The following PIBF1 variants were observed in gnomAD, a reference collection of about 807,000 sequenced individuals.
PIBF1 encodes progesterone-induced-blocking factor 1.
In PIBF1, 90 loss-of-function variants were observed where a neutral mutation model predicts 112.5. The observed-to-expected ratio is 0.80, with a 90% confidence interval of 0.67 to 0.95. The LOEUF (loss-of-function observed/expected upper bound fraction) is 0.95. PIBF1 is among the 40% of genes least tolerant of loss of function. PIBF1 has a pLI of 0.00. For missense variants in PIBF1, 915 were observed against 852.3 expected, an observed-to-expected ratio of 1.07 and a Z score of -0.92; for synonymous variants, 301 against 288.6, an observed-to-expected ratio of 1.04 and a Z score of -0.44.
chr13:72,922,059 C>T (rs954312644), intron 13 of PIBF1, among the ~76,000 whole-genome samples: 9 of 152,186 alleles, frequency 5.9e-5, no homozygotes, highest in African/African-American at 2.2e-4. Context: ...AGTTCACTCT[C>T]ATCTCAAACT....
chr13:72,817,335 T>A (rs1201466547), intron 5 of PIBF1, among the ~76,000 whole-genome samples: 1 of 152,210 alleles, frequency 6.6e-6, no homozygotes, highest in Non-Finnish European at 1.5e-5. Context: ...GAACAGAAAT[T>A]GAGGCTTGGC....
At chr13:72,878,583 C>T (rs1426574500) in intron 10 of PIBF1, among the ~76,000 whole-genome samples, 2 of 152,196 alleles carry the variant, frequency 1.3e-5, no homozygotes, top group South Asian at 2.1e-4. Context: ...ATCTGTATTT[C>T]GTGTGAGCTT....
chr13:72,874,007 TAATCACCA>T (rs1227314040), intron 10 of PIBF1, among the ~76,000 whole-genome samples: 1 of 152,154 alleles, frequency 6.6e-6, no homozygotes, highest in Admixed American at 6.5e-5. Context: ...TAAACATTAT[TAATCACCA>T]GGAAAATGGA....
At chr13:72,820,603 T>G (rs895593789) in intron 5 of PIBF1, among the ~76,000 whole-genome samples, 7 of 152,094 alleles carry the variant, frequency 4.6e-5, no homozygotes, top group Non-Finnish European at 7.4e-5. Flanking sequence ...AAAGTTACAT[T>G]TAGTAGTTTA....
chr13:72,930,897 C>A (rs529479094), intron 13 of PIBF1, among the ~76,000 whole-genome samples: 79 of 152,174 alleles, frequency 5.2e-4, no homozygotes, highest in Non-Finnish European at 1.0e-3. Flanking sequence ...GTTACCTCTC[C>A]ACTTTTATAG....
intron 10 of PIBF1, among the ~76,000 whole-genome samples, chr13:72,892,825 CCCCTCTAT>C (rs2040113123): frequency 6.6e-6 from 1 of 151,650 alleles, no homozygotes; most frequent in Non-Finnish European, 1.5e-5. Flanking sequence ...CGCACACACA[CCCCTCTAT>C]ACAAACCAAG....
chr13:72,784,982 C>T lies in PIBF1; in HGVS notation c.252+1261C>T, dbSNP rs1387492745. 3.3e-5 allele frequency among the ~76,000 whole-genome samples: 5 copies of T among 152,010 alleles called. No homozygotes were observed. In the East Asian group the frequency reaches 7.7e-4, roughly 24 times the overall value. On this transcript the variant is annotated intron_variant, in intron 2 of 17. Coordinates refer to ENST00000326291, the MANE Select transcript of PIBF1 (RefSeq NM_006346.4). ...CCACCTCTTGGGTTCAAGCAATTCT[C>T]CTGCCTCAGTCTCCCACGTAGCTGG...
chr13:72,799,800 G>A (rs553706665), intron 5 of PIBF1, among the ~76,000 whole-genome samples: 3 of 152,148 alleles, frequency 2.0e-5, no homozygotes, highest in Non-Finnish European at 4.4e-5. Flanking sequence ...ACTTCTTACT[G>A]TGTAGTAGGA....
At chr13:72,905,288 G>A (rs1023579213) in intron 11 of PIBF1, among the ~76,000 whole-genome samples, 2 of 151,708 alleles carry the variant, frequency 1.3e-5, no homozygotes. Context: ...GGGTGGTCTT[G>A]AACTGCTGAC....
chr13:72,873,900 C>G (rs1196071178), intron 10 of PIBF1, among the ~76,000 whole-genome samples: 2 of 152,138 alleles, frequency 1.3e-5, no homozygotes, highest in Non-Finnish European at 2.9e-5. Flanking sequence ...AGAAGACAAG[C>G]TACTCAATTT....
At chr13:72,806,752 T>C (rs1298409357) in intron 5 of PIBF1, among the ~76,000 whole-genome samples, 2 of 152,192 alleles carry the variant, frequency 1.3e-5, no homozygotes, top group African/African-American at 4.8e-5. Context: ...TGTGCCACAG[T>C]ATCTAGTCTA....
chr13:72,849,626 G>A (rs1364329690), intron 9 of PIBF1, among the ~76,000 whole-genome samples: 1 of 152,134 alleles, frequency 6.6e-6, no homozygotes, highest in African/African-American at 2.4e-5. Context: ...TTCTTTCAAG[G>A]CTTATTTTGA....
At chr13:72,886,730 A>G (rs1408103276) in intron 10 of PIBF1, among the ~76,000 whole-genome samples, 1 of 152,118 alleles carries the variant, frequency 6.6e-6, no homozygotes, top group African/African-American at 2.4e-5. Flanking sequence ...GTTGTCAAAC[A>G]TACTCAGCAT....
chr13:72,833,065 T>G (rs2138192959), intron 8 of PIBF1, among the ~76,000 whole-genome samples: 1 of 152,364 alleles, frequency 6.6e-6, no homozygotes, highest in East Asian at 1.9e-4. Context: ...ATTTGGCTTT[T>G]GAAACTTGTG....
chr13:72,783,655 A>G lies in PIBF1; in HGVS notation c.186A>G (p.Leu62=). 1 of 1,613,904 alleles carries G rather than the reference A, an allele frequency of 6.2e-7. No individual in the cohort carries two copies. Among genetic ancestry groups the G allele is most frequent in the Non-Finnish European group, 8.5e-7 (1 of 1,179,774 alleles). Residue 62 remains leucine (L), a synonymous_variant, in exon 2 of 18, where the codon TTA becomes TTG. Transcript: ENST00000326291. ...AAGAACTACTTCATAATATTCAGTT[A>G]CTAAAAATTGAGCTATCCCAGAAAA... ...ERKELLHNIQ[L]LKIELSQKTM...
At chr13:72,994,105 C>A (rs2043567554) in intron 16 of PIBF1, among the ~76,000 whole-genome samples, 2 of 124,852 alleles carry the variant, frequency 1.6e-5, no homozygotes, top group African/African-American at 6.5e-5. Flanking sequence ...AGAGCAAGAA[C>A]CTGTCTCAAA....
intron 10 of PIBF1, among the ~76,000 whole-genome samples, chr13:72,880,135 C>G (rs1394248605): frequency 6.6e-6 from 1 of 152,170 alleles, no homozygotes. Context: ...GAGATATCAG[C>G]ATGCATATCT....
At chr13:72,809,887 C>T (rs986429463) in intron 5 of PIBF1, among the ~76,000 whole-genome samples, 2 of 152,078 alleles carry the variant, frequency 1.3e-5, no homozygotes, top group African/African-American at 4.8e-5. Context: ...CTGCGCTTGG[C>T]CAGAATGTGA....
chr13:72,985,860 A>G (rs1259235449), intron 16 of PIBF1, among the ~76,000 whole-genome samples: 1 of 152,100 alleles, frequency 6.6e-6, no homozygotes, highest in Non-Finnish European at 1.5e-5. Flanking sequence ...TGAAATAGTA[A>G]AGGCCAGGGT....
Sources: gnomAD v4.1 joint callset for allele counts (sites outside exome capture counted in the v4.1 genomes callset) on GRCh38, gnomAD v4.1.1 for gene constraint, MANE v1.5 for transcripts, NCBI Gene and HGNC (gene_info 2026-07-23, HGNC 2026-07-21) for gene names.